The following CHST9 variants were observed in gnomAD, a reference collection of about 807,000 sequenced individuals.
CHST9 encodes the protein carbohydrate sulfotransferase 9.
In CHST9, 41 loss-of-function variants were observed where a neutral mutation model predicts 44.4. The observed-to-expected ratio is 0.92, with a 90% CI of 0.72 to 1.20. CHST9 has a LOEUF of 1.20. Among genes scored for constraint, CHST9 ranks in the 50% most tolerant of loss-of-function variants. The pLI, the probability that CHST9 is intolerant of heterozygous loss-of-function variation, is 0.00. For missense variants in CHST9, 504 were observed against 516.5 expected (o/e 0.98, Z 0.23); for synonymous variants, 171 against 178.4 (o/e 0.96, Z 0.33).
intron 2 of CHST9, among the ~76,000 whole-genome samples, chr18:27,064,759 A>T (rs1175990352): frequency 6.6e-6 from 1 of 152,076 alleles, no homozygotes; most frequent in Non-Finnish European, 1.5e-5. Context: ...TCAATAGGAC[A>T]CTGCTTGGGG....
intron 4 of CHST9, among the ~76,000 whole-genome samples, chr18:26,954,709 C>G (rs1234242556): frequency 6.6e-6 from 1 of 152,038 alleles, no homozygotes; most frequent in Non-Finnish European, 1.5e-5. Flanking sequence ...CCCTGGTCAC[C>G]CCATCTCTTC....
intron 2 of CHST9, among the ~76,000 whole-genome samples, chr18:27,114,155 T>C (rs1400732760): frequency 6.6e-6 from 1 of 152,228 alleles, no homozygotes; most frequent in Non-Finnish European, 1.5e-5. Context: ...ATTTTTGTGT[T>C]ATAATGTTAT....
intron 2 of CHST9, among the ~76,000 whole-genome samples, chr18:27,091,748 T>G (rs1371314420): frequency 6.6e-6 from 1 of 152,210 alleles, no homozygotes; most frequent in Non-Finnish European, 1.5e-5. Context: ...TGGATTATGT[T>G]TATTGATTTG....
chr18:27,142,147 T>C (rs1472554802), intron 2 of CHST9, among the ~76,000 whole-genome samples: 1 of 152,148 alleles, frequency 6.6e-6, no homozygotes, highest in Non-Finnish European at 1.5e-5. Flanking sequence ...GGCTGCTTCT[T>C]GATATATTAG....
rs201017545 is a variant in CHST9 at position 26,917,128 on chromosome 18, T to C, written c.463A>G (p.Ile155Val). 29 of 1,613,966 alleles carry C rather than the reference T, an allele frequency of 1.8e-5. No individual in the cohort carries two copies. In the Admixed American group the frequency reaches 4.5e-4, roughly 25 times the overall value. Residue 155 changes from isoleucine (I) to valine (V), a missense_variant, in exon 6 of 6, where the codon ATT (isoleucine) becomes GTT (valine). Physicochemically the swap from Ile to Val is conservative, Grantham distance 29 (BLOSUM62 3). Coordinates refer to ENST00000618847, the MANE Select transcript of CHST9 (RefSeq NM_031422.6). ...ACTAAACTTTTGTTTAAAGGGTGAATGTCCACTGGCCAATTCATGTTGCTG... is the reference window on the plus strand; with the variant it reads ...ACTAAACTTTTGTTTAAAGGGTGAACGTCCACTGGCCAATTCATGTTGCTG... The part of the protein sequence containing the change: ...KFSNMNWPVD[I>V]HPLNKSLVKD...
chr18:27,048,503 C>A lies in CHST9; in HGVS notation c.122G>T (p.Gly41Val). ...LQVWIEEQHT[G>V]RVEKRREQKV... is the part of the protein sequence containing the mutation. ...TTGTTCTCTTCTCTTCTCCACTCTC[C>A]CTGAAATGAGAAGTGGAAGATAAGT... The change falls in exon 3 of 6, where the codon GGG (glycine) becomes GTG (valine). Residue 41 changes from glycine (G) to valine (V), a missense_variant and splice_region_variant. Gly to Val is a moderately radical substitution (Grantham distance 109, BLOSUM62 -3). Coordinates refer to ENST00000618847, the MANE Select transcript of CHST9 (RefSeq NM_031422.6). 6.2e-7 allele frequency: 1 copy of A among 1,603,416 alleles called. No homozygotes were observed. The highest frequency in any genetic ancestry group is 8.5e-7 in the Non-Finnish European group (1 of 1,174,900).
At chr18:27,103,290 T>C (rs1242250613) in intron 2 of CHST9, among the ~76,000 whole-genome samples, 1 of 152,182 alleles carries the variant, frequency 6.6e-6, no homozygotes, top group African/African-American at 2.4e-5. Context: ...GTACTTTCCT[T>C]GCTGCTGCCC....
At chr18:26,979,280 G>A (rs1489198504) in intron 4 of CHST9, among the ~76,000 whole-genome samples, 1 of 152,088 alleles carries the variant, frequency 6.6e-6, no homozygotes, top group Non-Finnish European at 1.5e-5. Context: ...GGCCAAAAAG[G>A]AGAAGTGAGA....
At chr18:26,929,194 T>C (rs1308195596) in intron 5 of CHST9, among the ~76,000 whole-genome samples, 7 of 152,130 alleles carry the variant, frequency 4.6e-5, no homozygotes, top group African/African-American at 1.7e-4. Flanking sequence ...CCTAATCCTG[T>C]TCAGCTAAGA....
chr18:27,164,544 C>T (rs1458395997), intron 1 of CHST9, among the ~76,000 whole-genome samples: 1 of 152,000 alleles, frequency 6.6e-6, no homozygotes, highest in Non-Finnish European at 1.5e-5. Context: ...ATGAAGAAGA[C>T]CATTAATGAT....
At chr18:27,114,577 T>A (rs150405258) in intron 2 of CHST9, among the ~76,000 whole-genome samples, 20 of 152,294 alleles carry the variant, frequency 1.3e-4, no homozygotes, top group South Asian at 6.2e-4. Flanking sequence ...AAAACACTTA[T>A]CAATTGTCCC....
chr18:26,914,544 T>G lies in CHST9; in HGVS notation c.*1715A>C, dbSNP rs1291592952. ...AAAAACTGAGAGCACAGCTTAAGTG[T>G]ATGGTCTAGAGGCAAGAGTTAATGG... On this transcript the variant is annotated 3_prime_UTR_variant, in exon 6 of 6. Coordinates refer to ENST00000618847, the MANE Select transcript of CHST9 (RefSeq NM_031422.6). 5.9e-6 allele frequency: 1 copy of G among 169,618 alleles called. No individual in the cohort carries two copies. The highest frequency in any genetic ancestry group is 1.3e-5 in the Non-Finnish European group (1 of 79,984). The allele number at this position is 169,618 out of a possible 1,614,324, so 10.5% of individuals were successfully genotyped here.
intron 2 of CHST9, among the ~76,000 whole-genome samples, chr18:27,080,511 T>A (rs771046458): frequency 8.5e-5 from 13 of 152,174 alleles, no homozygotes; most frequent in African/African-American, 1.9e-4. Flanking sequence ...CCAACTTTTT[T>A]AAAATTTTAC....
chr18:27,071,969 G>A (rs1247726163), intron 2 of CHST9, among the ~76,000 whole-genome samples: 2 of 152,138 alleles, frequency 1.3e-5, no homozygotes, highest in African/African-American at 4.8e-5. Flanking sequence ...CATATTTGCT[G>A]TCTTTTCTAT....
chr18:26,971,902 G>A (rs7243368), intron 4 of CHST9, among the ~76,000 whole-genome samples: 1 of 151,802 alleles, frequency 6.6e-6, no homozygotes, highest in African/African-American at 2.4e-5. Flanking sequence ...TCCAGTCTCT[G>A]AAGGGGAACA....
chr18:27,149,791 T>C (rs1441555565), intron 1 of CHST9, among the ~76,000 whole-genome samples: 2 of 152,132 alleles, frequency 1.3e-5, no homozygotes, highest in East Asian at 1.9e-4. Flanking sequence ...TCTTTATCTA[T>C]ATCTTAGTGT....
At chr18:26,924,467 G>T in intron 5 of CHST9, 1 of 192,200 alleles carries the variant, frequency 5.2e-6, no homozygotes, top group Non-Finnish European at 9.6e-6. Context: ...TTCAGGAGTT[G>T]TTGGCTGGTG....
At chr18:27,168,507 T>TA (rs1264988595) in intron 1 of CHST9, among the ~76,000 whole-genome samples, 6 of 152,108 alleles carry the variant, frequency 3.9e-5, no homozygotes, top group Non-Finnish European at 7.4e-5. Context: ...GTAATACCAC[T>TA]AGAGATAAAA....
chr18:27,134,509 A>T (rs1383829256), intron 2 of CHST9, among the ~76,000 whole-genome samples: 2 of 152,202 alleles, frequency 1.3e-5, no homozygotes, highest in African/African-American at 4.8e-5. Flanking sequence ...GTCACCATCT[A>T]TTCTGGCCAA....
Sources: allele counts gnomAD v4.1 joint callset (sites outside exome capture counted in the v4.1 genomes callset), GRCh38; gene constraint gnomAD v4.1.1; transcripts MANE v1.5; gene names NCBI Gene and HGNC (gene_info 2026-07-23, HGNC 2026-07-21).